The following ADAMTS20 variants were observed in gnomAD, a reference collection of about 807,000 sequenced individuals.
ADAMTS20 encodes ADAM metallopeptidase with thrombospondin type 1 motif 20, also known as A disintegrin and metalloproteinase with thrombospondin motifs 20.
A neutral mutation model predicts 260.1 loss-of-function variants in ADAMTS20; 225 were observed. That is an observed-to-expected ratio of 0.87 (90% CI 0.78 to 0.97). The LOEUF (loss-of-function observed/expected upper bound fraction) is 0.97. Ranked by LOEUF, ADAMTS20 falls within the 50% of genes least tolerant of loss-of-function variation. ADAMTS20 has a pLI of 0.00. For missense variants in ADAMTS20, 2,400 were observed against 2,337.7 expected, an observed-to-expected ratio of 1.03 and a Z score of -0.55; for synonymous variants, 802 against 769.5, an observed-to-expected ratio of 1.04 and a Z score of -0.70.
intron 3 of ADAMTS20, among the ~76,000 whole-genome samples, chr12:43,523,668 C>T (rs1293479155): frequency 2.0e-5 from 3 of 152,132 alleles, no homozygotes; most frequent in Non-Finnish European, 4.4e-5. Flanking sequence ...CTGCCTGTTA[C>T]TCCCTACTCC....
intron 4 of ADAMTS20, among the ~76,000 whole-genome samples, chr12:43,501,479 G>GCACA (rs746038595): frequency 3.6e-3 from 241 of 67,126 alleles, no homozygotes; most frequent in African/African-American, 8.3e-3. Flanking sequence ...GCGCGCGCGC[G>GCACA]CGCACACACA....
intron 3 of ADAMTS20, among the ~76,000 whole-genome samples, chr12:43,518,557 C>A (rs1379525578): frequency 6.6e-6 from 1 of 151,934 alleles, no homozygotes; most frequent in East Asian, 1.9e-4. Context: ...CTAGTCTATT[C>A]CCCAGACAAT....
chr12:43,482,023 G>T (rs1942449766), intron 7 of ADAMTS20, among the ~76,000 whole-genome samples: 1 of 152,066 alleles, frequency 6.6e-6, no homozygotes, highest in Non-Finnish European at 1.5e-5. Context: ...TGGGGAGAAG[G>T]CGTTAACCCT....
chr12:43,528,052 G>A (rs1307132475), intron 3 of ADAMTS20, among the ~76,000 whole-genome samples: 1 of 151,834 alleles, frequency 6.6e-6, no homozygotes, highest in African/African-American at 2.4e-5. Context: ...AAACAATCAA[G>A]CTGAGAGCCA....
intron 36 of ADAMTS20, among the ~76,000 whole-genome samples, chr12:43,373,362 T>C (rs1940146867): frequency 6.6e-6 from 1 of 152,240 alleles, no homozygotes; most frequent in South Asian, 2.1e-4. Context: ...TATAACCATA[T>C]ACATCATTAA....
chr12:43,531,896 A>T, intron 3 of ADAMTS20, 140 bp downstream of exon 3: 1 of 578,792 alleles, frequency 1.7e-6, no homozygotes, highest in Non-Finnish European at 2.4e-6. Context: ...TGCTAAACAT[A>T]CACAATTTTT....
chr12:43,463,060 T>C, intron 10 of ADAMTS20, 61 bp from the exon 11 acceptor site: 1 of 1,160,402 alleles, frequency 8.6e-7, no homozygotes, highest in Admixed American at 2.1e-5. Context: ...ACTGGTTCAA[T>C]TCAGTATTAC....
At position 43,356,570 on chromosome 12, in the gene ADAMTS20, A is replaced by G. The variant is rs754787726; in HGVS notation, c.5557T>C (p.Leu1853=). The G allele has an allele frequency of 1.2e-6, 2 of 1,611,164 alleles. No individual in the cohort carries two copies. Among genetic ancestry groups the G allele is most frequent in the South Asian group, 1.1e-5 (1 of 90,386 alleles). The change falls in exon 38 of 39, where the codon TTG becomes CTG. Residue 1853 remains leucine, a synonymous_variant. Transcript: ENST00000389420. ...RCPQGQFSIN[L]SGTGMKISST... ...GATATCTTCATCCCAGTTCCTGACA[A>G]ATTAATGCTAAACTGTCCCTGGATT...
intron 28 of ADAMTS20, among the ~76,000 whole-genome samples, chr12:43,402,552 T>C (rs926925642): frequency 6.6e-6 from 1 of 152,018 alleles, no homozygotes; most frequent in African/African-American, 2.4e-5. Context: ...ATGCAAACAG[T>C]TATGTTTTAG....
chr12:43,521,267 T>C (rs1324113622), intron 3 of ADAMTS20, among the ~76,000 whole-genome samples: 1 of 152,224 alleles, frequency 6.6e-6, no homozygotes, highest in Non-Finnish European at 1.5e-5. Context: ...CTGAGCAAAC[T>C]CTGGCCTCTG....
intron 2 of ADAMTS20, among the ~76,000 whole-genome samples, chr12:43,546,325 G>A (rs1424741807): frequency 6.6e-6 from 1 of 152,104 alleles, no homozygotes; most frequent in Non-Finnish European, 1.5e-5. Context: ...TAAGTCAGAT[G>A]CAATGTCTGG....
Position 43,376,554 on chromosome 12 carries a change from C to G in ADAMTS20, c.5095G>C (p.Gly1699Arg). The stretch of plus-strand genomic sequence containing the variant: ...TTGGCATAACATTTCTTTTGAGCAC[C>G]TGGTTTTAAATGGTTTAAACATAAG... ...SDLCLNHLKP[G>R]AQKKCYANDC... The change falls in exon 33 of 39, where the codon GGT becomes CGT. Residue 1699 changes from glycine to arginine, a missense_variant. Gly to Arg is a moderately radical substitution (Grantham distance 125). Transcript: ENST00000389420. 1 of 1,613,190 alleles carries G rather than the reference C, an allele frequency of 6.2e-7. No individual in the cohort carries two copies. Among genetic ancestry groups the G allele is most frequent in the South Asian group, 1.1e-5 (1 of 90,918 alleles).
At chr12:43,358,384 T>C (rs769480942) in intron 37 of ADAMTS20, among the ~76,000 whole-genome samples, 1 of 152,112 alleles carries the variant, frequency 6.6e-6, no homozygotes, top group Admixed American at 6.5e-5. Flanking sequence ...AAAAAAATGG[T>C]AAAACAATTA....
In ADAMTS20 at chr12:43,376,089, A is replaced by G. The variant is rs1350339717; in HGVS notation, c.5280T>C (p.Gly1760=). ...CATACACTTCAGAAAAGTTTTCTTCACCTTGGACCAGTGTTAAATATTCCT... is the reference window on the plus strand; with the variant it reads ...CATACACTTCAGAAAAGTTTTCTTCGCCTTGGACCAGTGTTAAATATTCCT... ...NPKEYLTLVQ[G]EENFSEVYGF... The change falls in exon 35 of 39, where the codon GGT becomes GGC. Residue 1760 remains glycine (G), a synonymous_variant. Coordinates refer to ENST00000389420, the MANE Select transcript of ADAMTS20 (RefSeq NM_025003.5). 2 of 1,610,706 alleles carry G rather than the reference A, an allele frequency of 1.2e-6. No individual in the cohort carries two copies. Among genetic ancestry groups the G allele is most frequent in the East Asian group, 4.5e-5 (2 of 44,786 alleles).
At chr12:43,528,032 T>C (rs921933236) in intron 3 of ADAMTS20, among the ~76,000 whole-genome samples, 3 of 152,010 alleles carry the variant, frequency 2.0e-5, no homozygotes, top group African/African-American at 7.2e-5. Flanking sequence ...GTAGCACTGC[T>C]ATACACCAAA....
intron 3 of ADAMTS20, among the ~76,000 whole-genome samples, chr12:43,505,468 A>T (rs539696816): frequency 1.3e-5 from 2 of 152,304 alleles, no homozygotes; most frequent in East Asian, 3.9e-4. Flanking sequence ...ATTAAAAATG[A>T]GTAAAGACTT....
chr12:43,369,124 T>C (rs1408389647), intron 37 of ADAMTS20, among the ~76,000 whole-genome samples, 166 bp downstream of exon 37: 1 of 152,146 alleles, frequency 6.6e-6, no homozygotes, highest in Non-Finnish European at 1.5e-5. Context: ...GCAAAGATGC[T>C]TTTCCTCCAA....
intron 2 of ADAMTS20, among the ~76,000 whole-genome samples, chr12:43,545,012 C>A (rs1943424383): frequency 6.6e-6 from 1 of 152,134 alleles, no homozygotes; most frequent in African/African-American, 2.4e-5. Flanking sequence ...GTTGCAACAA[C>A]AAAAATTGTC....
At chr12:43,446,529 C>T (rs545098989) in intron 15 of ADAMTS20, 66 bp downstream of exon 15, 2 of 1,204,508 alleles carry the variant, frequency 1.7e-6, no homozygotes, top group East Asian at 2.4e-5. Context: ...TACTGTTACA[C>T]CTTCTTTACA....
Sources: gnomAD v4.1 joint callset for allele counts (sites outside exome capture counted in the v4.1 genomes callset) on GRCh38, gnomAD v4.1.1 for gene constraint, MANE v1.5 for transcripts, NCBI Gene and HGNC (gene_info 2026-07-23, HGNC 2026-07-21) for gene names.